NSUN3: variants seen among roughly 807,000 people sequenced by gnomAD.
NSUN3 encodes the protein NOP2/Sun RNA methyltransferase 3.
A neutral mutation model predicts 36.8 loss-of-function variants in NSUN3; 24 were observed. That is an observed-to-expected ratio of 0.65 (90% CI 0.47 to 0.92). The LOEUF (loss-of-function observed/expected upper bound fraction) is 0.92, where lower values mean the gene tolerates loss of function less well. NSUN3 is among the 40% of genes least tolerant of loss of function. The pLI, the probability that NSUN3 is intolerant of heterozygous loss-of-function variation, is 0.00. For missense variants in NSUN3, 381 were observed against 392.8 expected, an observed-to-expected ratio of 0.97 and a Z score of 0.25; for synonymous variants, 146 against 145.2, an observed-to-expected ratio of 1.01 and a Z score of -0.04.
intron 5 of NSUN3, among the ~76,000 whole-genome samples, chr3:94,098,656 G>A (rs2077352939): frequency 6.6e-6 from 1 of 152,048 alleles, no homozygotes; most frequent in Non-Finnish European, 1.5e-5. Context: ...TACTCATTTT[G>A]TTGCAACCAT....
intron 5 of NSUN3, among the ~76,000 whole-genome samples, chr3:94,107,297 T>C (rs569394670): frequency 2.0e-5 from 3 of 152,084 alleles, no homozygotes; most frequent in African/African-American, 7.2e-5. Flanking sequence ...TTGTTTTGTT[T>C]TTGTTGTTGT....
At chr3:94,091,007 A>G (rs1450358021) in intron 3 of NSUN3, among the ~76,000 whole-genome samples, 1 of 152,200 alleles carries the variant, frequency 6.6e-6, no homozygotes, top group Non-Finnish European at 1.5e-5. Context: ...TTCAACTTTG[A>G]TGCCGTGTTC....
Position 94,126,421 on chromosome 3 carries a change from TAAGGGCAAAG to T in NSUN3, c.955_964del (p.Lys319ProfsTer7). 1 of 1,614,152 alleles carries T rather than the reference TAAGGGCAAAG, an allele frequency of 6.2e-7. No individual in the cohort carries two copies. Among genetic ancestry groups the T allele is most frequent in the Non-Finnish European group, 8.5e-7 (1 of 1,180,018 alleles). ...AATGTGGGCTCTTAGTGATTCCAGA[TAAGGGCAAAG>T]CCTGGGGCCCAATGTATGTAGCCAA... On this transcript the variant is annotated frameshift_variant, in exon 6 of 6. Transcript: ENST00000314622. LOFTEE classifies it high-confidence loss of function.
intron 5 of NSUN3, among the ~76,000 whole-genome samples, chr3:94,097,910 C>CT (rs1390319375): frequency 6.6e-6 from 1 of 152,120 alleles, no homozygotes; most frequent in East Asian, 1.9e-4. Context: ...TGAGCTTAGA[C>CT]TATCTCTCAA....
chr3:94,105,438 T>C (rs2077384879), intron 5 of NSUN3, among the ~76,000 whole-genome samples: 1 of 152,196 alleles, frequency 6.6e-6, no homozygotes, highest in African/African-American at 2.4e-5. Flanking sequence ...AAAATGCCTT[T>C]AGTAAATTTT....
chr3:94,063,147 T>C lies in NSUN3; in HGVS notation c.12+9T>C, dbSNP rs1410573305. On this transcript the variant is annotated intron_variant, in intron 1 of 5. Transcript: ENST00000314622. ...GGACAATGCTGACCCAGGTGAGACCTGGGGCCCGGCTGGGTACCTCTATCT... is the reference window on the plus strand; with the variant it reads ...GGACAATGCTGACCCAGGTGAGACCCGGGGCCCGGCTGGGTACCTCTATCT... The C allele has an allele frequency of 6.2e-7, 1 of 1,613,912 alleles. No homozygotes were observed. The highest frequency in any genetic ancestry group is 1.7e-5 in the Admixed American group (1 of 60,016).
chr3:94,106,998 A>G (rs560204958), intron 5 of NSUN3, among the ~76,000 whole-genome samples: 112 of 152,058 alleles, frequency 7.4e-4, no homozygotes, highest in African/African-American at 2.7e-3. Context: ...AGACAGGTGC[A>G]CTGGCACAAT....
chr3:94,093,912 G>A (rs894952666), intron 3 of NSUN3, among the ~76,000 whole-genome samples: 17 of 152,094 alleles, frequency 1.1e-4, no homozygotes, highest in African/African-American at 4.1e-4. Flanking sequence ...GACTGTGTAG[G>A]CATGACTGTT....
intron 5 of NSUN3, among the ~76,000 whole-genome samples, chr3:94,114,758 C>T (rs1252114287): frequency 1.3e-5 from 2 of 152,178 alleles, no homozygotes; most frequent in Non-Finnish European, 2.9e-5. Context: ...CCCTTACCCC[C>T]CTTCTGCCCT....
intron 2 of NSUN3, among the ~76,000 whole-genome samples, chr3:94,067,245 C>T (rs2077207832): frequency 6.6e-6 from 1 of 152,170 alleles, no homozygotes; most frequent in Admixed American, 6.5e-5. Flanking sequence ...AAAAGTTGAC[C>T]TCGTTGATGA....
chr3:94,076,439 G>A (rs2077246631), intron 2 of NSUN3: 1 of 791,058 alleles, frequency 1.3e-6, no homozygotes, highest in Non-Finnish European at 2.3e-6. Context: ...CTGATGATCA[G>A]CAACTGACCC....
intron 2 of NSUN3, among the ~76,000 whole-genome samples, chr3:94,081,438 C>T (rs565569071): frequency 3.3e-5 from 5 of 152,304 alleles, no homozygotes; most frequent in Middle Eastern, 3.4e-3. Context: ...GGCTTCTCAT[C>T]ACTTAGAAGT....
Position 94,128,754 on chromosome 3 carries a change from A to C in NSUN3, c.*2264A>C, listed in dbSNP as rs1011133615. Among the ~76,000 whole-genome samples the C allele has an allele frequency of 2.6e-5, 4 of 152,116 alleles. No individual in the cohort carries two copies. Among genetic ancestry groups the C allele is most frequent in the African/African-American group, 9.7e-5 (4 of 41,420 alleles). The stretch of plus-strand genomic sequence containing the variant: ...TATTTGCAAATTATGCATCTGCCAA[A>C]GGTCTAATATCCAGAATCTATAAGG... On this transcript the variant is annotated 3_prime_UTR_variant, in exon 6 of 6. Transcript: ENST00000314622.
At chr3:94,072,507 G>A (rs1216067489) in intron 2 of NSUN3, among the ~76,000 whole-genome samples, 1 of 152,204 alleles carries the variant, frequency 6.6e-6, no homozygotes, top group African/African-American at 2.4e-5. Flanking sequence ...GGTGGAGGAT[G>A]TGAACCGGGT....
chr3:94,092,947 A>G (rs1422695765), intron 3 of NSUN3, among the ~76,000 whole-genome samples: 20 of 148,336 alleles, frequency 1.3e-4, no homozygotes, highest in Non-Finnish European at 3.0e-4. Flanking sequence ...AAAAAAAAAG[A>G]AAAGAAATAT....
At chr3:94,123,730 C>G (rs997249216) in intron 5 of NSUN3, among the ~76,000 whole-genome samples, 1 of 152,094 alleles carries the variant, frequency 6.6e-6, no homozygotes, top group African/African-American at 2.4e-5. Context: ...GCCTCAAGGT[C>G]TTGTCACTGG....
In NSUN3 at chr3:94,128,562, T is replaced by C. The variant is rs1305278744; in HGVS notation, c.*2072T>C. On this transcript the variant is annotated 3_prime_UTR_variant, in exon 6 of 6. Coordinates refer to ENST00000314622, the MANE Select transcript of NSUN3 (RefSeq NM_022072.5). The stretch of plus-strand genomic sequence containing the variant: ...ACTGAAAAATGGATGCACGTGTGTG[T>C]GTGTGTGTGTGTGTGTGTGTGTATA... 1 of 145,498 alleles carries C rather than the reference T, an allele frequency of 6.9e-6. No homozygotes were observed. The highest frequency in any genetic ancestry group is 1.5e-5 in the Non-Finnish European group (1 of 66,774). 9.0% of individuals were successfully genotyped at this position (145,498 alleles called of 1,614,324 possible).
intron 3 of NSUN3, among the ~76,000 whole-genome samples, chr3:94,093,580 T>A (rs959196810): frequency 6.7e-5 from 10 of 149,686 alleles, no homozygotes; most frequent in Non-Finnish European, 1.3e-4. Context: ...ATGCTTTGGG[T>A]CTTCTGAGTG....
At chr3:94,125,029 C>T (rs1419310320) in intron 5 of NSUN3, among the ~76,000 whole-genome samples, 1 of 152,192 alleles carries the variant, frequency 6.6e-6, no homozygotes, top group Non-Finnish European at 1.5e-5. Flanking sequence ...TCAACCTTAA[C>T]TTCCAAATAC....
Sources: allele counts gnomAD v4.1 joint callset (sites outside exome capture counted in the v4.1 genomes callset), GRCh38; gene constraint gnomAD v4.1.1; transcripts MANE v1.5; gene names NCBI Gene and HGNC (gene_info 2026-07-23, HGNC 2026-07-21).